Variants in ZNF480 observed in about 807,000 individuals in gnomAD.
ZNF480 encodes the protein zinc finger protein 480.
In ZNF480, 15 loss-of-function variants were observed where a neutral mutation model predicts 14.4. That is an observed-to-expected ratio of 1.04 (90% confidence interval 0.70 to 1.60). The LOEUF (loss-of-function observed/expected upper bound fraction) is 1.60. Among genes scored for constraint, ZNF480 ranks in the 40% most tolerant of loss-of-function variants. The probability of loss-of-function intolerance (pLI) is 0.00; values close to 1 mark genes in which losing one functional copy is unlikely to be tolerated. For synonymous variants in ZNF480, 218 were observed against 215.5 expected (o/e 1.01, Z -0.10); for missense variants, 593 against 629.7 (o/e 0.94, Z 0.62).
chr19:52,322,226 C>A lies in ZNF480; in HGVS notation c.976C>A (p.His326Asn). ...TAATGAATGTGGTAAAGGCTTCAGT[C>A]ATAAGTCATCTCTAGCAAATCATTG... is the stretch of plus-strand genomic sequence containing the variant. Reference protein sequence around the residue: ...KCNECGKGFSHKSSLANHWRI... With the variant: ...KCNECGKGFSNKSSLANHWRI... Residue 326 changes from histidine to asparagine, a missense_variant, in exon 5 of 5, where the codon CAT becomes AAT. Physicochemically the swap from His to Asn is moderately conservative, Grantham distance 68. Coordinates refer to ENST00000595962, the MANE Select transcript of ZNF480 (RefSeq NM_144684.4). 1 of 1,613,826 alleles carries A rather than the reference C, an allele frequency of 6.2e-7. No homozygotes were observed. The highest frequency in any genetic ancestry group is 8.5e-7 in the Non-Finnish European group (1 of 1,179,972).
At chr19:52,304,273 T>A (rs1178016463) in intron 2 of ZNF480, among the ~76,000 whole-genome samples, 2 of 152,202 alleles carry the variant, frequency 1.3e-5, no homozygotes, top group African/African-American at 4.8e-5. Flanking sequence ...TCTATGACTA[T>A]TAAAGGCCAA....
chr19:52,317,396 GT>G (rs922537881), intron 4 of ZNF480: 1 of 151,234 alleles, frequency 6.6e-6, no homozygotes, highest in Admixed American at 6.6e-5. Flanking sequence ...TTGAGATGGA[GT>G]TTCGCTTTTG....
intron 4 of ZNF480, among the ~76,000 whole-genome samples, chr19:52,318,402 C>T (rs1600220813): frequency 6.6e-6 from 1 of 152,280 alleles, no homozygotes; most frequent in East Asian, 1.9e-4. Flanking sequence ...GCCACCACAT[C>T]CGGCCTATAT....
At chr19:52,299,048 C>T (rs887006712) in intron 1 of ZNF480, among the ~76,000 whole-genome samples, 1 of 152,168 alleles carries the variant, frequency 6.6e-6, no homozygotes, top group African/African-American at 2.4e-5. Context: ...AAACTCCTGT[C>T]TGTAAGGCTG....
chr19:52,322,329 G>C lies in ZNF480; in HGVS notation c.1079G>C (p.Arg360Pro). 6.2e-7 allele frequency: 1 copy of C among 1,611,206 alleles called. No homozygotes were observed. Among genetic ancestry groups the C allele is most frequent in the Non-Finnish European group, 8.5e-7 (1 of 1,179,254 alleles). ...TTCTATAGGATTGCGCTCCTTGTAC[G>C]ACATCAGAAAATTCATACTGGAGAG... The part of the protein sequence containing the change: ...KAFYRIALLV[R>P]HQKIHTGEKP... The change falls in exon 5 of 5, where the codon CGA becomes CCA. Residue 360 changes from arginine (R) to proline (P), a missense_variant. Physicochemically the swap from Arg to Pro is moderately radical, Grantham distance 103 (BLOSUM62 -2). Transcript: ENST00000595962.
At chr19:52,314,039 G>T in intron 2 of ZNF480, 114 bp from the exon 3 acceptor site, 1 of 1,182,494 alleles carries the variant, frequency 8.5e-7, no homozygotes. Context: ...CCTTAATGGG[G>T]ATTCGTCAGA....
chr19:52,318,234 G>A (rs1983649174), intron 4 of ZNF480, among the ~76,000 whole-genome samples: 1 of 151,982 alleles, frequency 6.6e-6, no homozygotes, highest in Non-Finnish European at 1.5e-5. Flanking sequence ...AGCCTCCCAA[G>A]TAGTTGGGAT....
At chr19:52,308,467 C>A (rs1983090382) in intron 2 of ZNF480, among the ~76,000 whole-genome samples, 1 of 151,750 alleles carries the variant, frequency 6.6e-6, no homozygotes, top group African/African-American at 2.4e-5. Context: ...CCACCACGCC[C>A]AGCTAATTTT....
intron 1 of ZNF480, among the ~76,000 whole-genome samples, chr19:52,297,470 G>A (rs904534979): frequency 6.6e-6 from 1 of 151,892 alleles, no homozygotes; most frequent in Non-Finnish European, 1.5e-5. Context: ...GAGTTTTCCT[G>A]TTTCAAGTCC....
At position 52,315,903 on chromosome 19, in the gene ZNF480, G is replaced by A. The variant is rs2122549932; in HGVS notation, c.269G>A (p.Ser90Asn). ...AGGAGGGAGCCCTGGTCTGGTGAGA[G>A]TGAAGTGAAAATAGCAAAAAATTCA... ...EQRREPWSGE[S>N]EVKIAKNSDG... Residue 90 changes from serine (S) to asparagine (N), a missense_variant, in exon 4 of 5, where the codon AGT (serine) becomes AAT (asparagine). By Grantham distance (46) the Ser-to-Asn change is conservative. Coordinates refer to ENST00000595962, the MANE Select transcript of ZNF480 (RefSeq NM_144684.4). 1 of 1,613,216 alleles carries A rather than the reference G, an allele frequency of 6.2e-7. No individual in the cohort carries two copies. Among genetic ancestry groups the A allele is most frequent in the Non-Finnish European group, 8.5e-7 (1 of 1,179,450 alleles).
chr19:52,308,982 A>T (rs1250440280), intron 2 of ZNF480, among the ~76,000 whole-genome samples: 1 of 152,166 alleles, frequency 6.6e-6, no homozygotes, highest in Admixed American at 6.5e-5. Context: ...AATAATTGTT[A>T]TGGGAGGGAG....
intron 1 of ZNF480, 134 bp from the exon 2 acceptor site, chr19:52,300,260 C>T (rs1982623176): frequency 5.3e-6 from 5 of 940,666 alleles, no homozygotes; most frequent in African/African-American, 1.7e-5. Context: ...TTTCTTGTCT[C>T]TGCATCAACT....
At chr19:52,318,860 T>C (rs1339336231) in intron 4 of ZNF480, among the ~76,000 whole-genome samples, 1 of 151,926 alleles carries the variant, frequency 6.6e-6, no homozygotes, top group Non-Finnish European at 1.5e-5. Context: ...TATTCTTGCT[T>C]TTTTTTTCAT....
intron 2 of ZNF480, among the ~76,000 whole-genome samples, chr19:52,310,823 A>G (rs900880453): frequency 1.5e-4 from 23 of 150,974 alleles, no homozygotes; most frequent in Admixed American, 1.3e-3. Context: ...ACACAGTGAA[A>G]CCCTGTCTCT....
chr19:52,312,335 A>AC (rs1983325686), intron 2 of ZNF480, among the ~76,000 whole-genome samples: 1 of 151,406 alleles, frequency 6.6e-6, no homozygotes, highest in African/African-American at 2.4e-5. Context: ...TACTTTTTGT[A>AC]TTTTTTAGTA....
intron 3 of ZNF480, 73 bp from the exon 4 acceptor site, chr19:52,315,761 G>A: frequency 6.6e-7 from 1 of 1,517,982 alleles, no homozygotes; most frequent in Admixed American, 2.0e-5. Flanking sequence ...GTGATATCCT[G>A]TCTCCTTCCT....
intron 2 of ZNF480, among the ~76,000 whole-genome samples, chr19:52,303,085 A>C (rs1982773436): frequency 6.6e-6 from 1 of 152,228 alleles, no homozygotes; most frequent in African/African-American, 2.4e-5. Context: ...ACATATGAAG[A>C]ATTAGAAATT....
chr19:52,306,564 G>A (rs566808074), intron 2 of ZNF480, among the ~76,000 whole-genome samples: 5 of 152,218 alleles, frequency 3.3e-5, no homozygotes, highest in African/African-American at 4.8e-5. Flanking sequence ...AGTTAGACAA[G>A]CTCAAGTAAG....
intron 2 of ZNF480, among the ~76,000 whole-genome samples, chr19:52,303,751 A>G (rs776686590): frequency 6.6e-6 from 1 of 152,208 alleles, no homozygotes; most frequent in Non-Finnish European, 1.5e-5. Context: ...CTTTAAGGAT[A>G]GAAAATAGAT....
Sources: gnomAD v4.1 joint callset for allele counts (sites outside exome capture counted in the v4.1 genomes callset) on GRCh38, gnomAD v4.1.1 for gene constraint, MANE v1.5 for transcripts, NCBI Gene and HGNC (gene_info 2026-07-23, HGNC 2026-07-21) for gene names.